Variants in OR1B1 observed in about 807,000 individuals in gnomAD.
The protein encoded by OR1B1 is olfactory receptor 1B1.
For synonymous variants in OR1B1, 168 were observed against 156.2 expected (o/e 1.08, Z -0.57); for missense variants, 414 against 402.1 (o/e 1.03, Z -0.25).
At chr9:122,628,804 G>A in exon 1 of OR1B1, 1 of 1,614,150 alleles carries the variant, frequency 6.2e-7, no homozygotes. Flanking sequence ...CACAGGTGGA[G>A]ACTGCTCGGC....
exon 1 of OR1B1, chr9:122,628,878 T>C: frequency 6.2e-7 from 1 of 1,614,050 alleles, no homozygotes; most frequent in East Asian, 2.2e-5. Context: ...GAGAGTACAA[T>C]GAGGGCACAG....
At chr9:122,648,920 C>T in the OR1B1 span, among the ~76,000 whole-genome samples, 1 of 151,928 alleles carries the variant, frequency 6.6e-6, no homozygotes, top group Non-Finnish European at 1.5e-5. Flanking sequence ...CATATGGAAC[C>T]AAAAAAGAGC....
the OR1B1 span, among the ~76,000 whole-genome samples, chr9:122,647,753 G>A: frequency 3.3e-5 from 5 of 152,176 alleles, no homozygotes; most frequent in Admixed American, 3.3e-4. Context: ...GCTACAGGAG[G>A]GAAGAGGCTG....
the OR1B1 span, among the ~76,000 whole-genome samples, chr9:122,643,251 ACCC>A: frequency 1.3e-5 from 2 of 151,760 alleles, no homozygotes; most frequent in Non-Finnish European, 1.5e-5. Flanking sequence ...CCCCTCCCTG[ACCC>A]CCCAACAGTG....
chr9:122,634,182 C>T (rs1030318341), upstream of OR1B1, among the ~76,000 whole-genome samples: 1 of 151,494 alleles, frequency 6.6e-6, no homozygotes, highest in East Asian at 1.9e-4. Context: ...ACTGAAAGTA[C>T]AAAATTAGCC....
chr9:122,628,656 A>C, exon 1 of OR1B1: 2 of 1,614,112 alleles, frequency 1.2e-6, no homozygotes, highest in South Asian at 2.2e-5. Context: ...CTATACACAA[A>C]TGGGTTGGCC....
the OR1B1 span, among the ~76,000 whole-genome samples, chr9:122,655,536 G>C: frequency 6.6e-6 from 1 of 152,138 alleles, no homozygotes; most frequent in Non-Finnish European, 1.5e-5. Flanking sequence ...CATGTCCTTT[G>C]TAGGGACATG....
the OR1B1 span, among the ~76,000 whole-genome samples, chr9:122,641,866 TTTAA>T: frequency 6.6e-6 from 1 of 152,170 alleles, no homozygotes; most frequent in Non-Finnish European, 1.5e-5. Context: ...CTATACAAAT[TTTAA>T]TTGTCAATGA....
At chr9:122,657,364 C>A in the OR1B1 span, among the ~76,000 whole-genome samples, 1 of 152,012 alleles carries the variant, frequency 6.6e-6, no homozygotes, top group Non-Finnish European at 1.5e-5. Flanking sequence ...GGTAACTCAC[C>A]CCAAGATACT....
upstream of OR1B1, chr9:122,629,612 T>C (rs1830186093): frequency 4.5e-6 from 4 of 882,430 alleles, no homozygotes; most frequent in South Asian, 7.0e-5. Flanking sequence ...GATCATAGCA[T>C]TTCTAGTTAA....
the OR1B1 span, among the ~76,000 whole-genome samples, chr9:122,657,207 A>G: frequency 6.6e-6 from 1 of 152,160 alleles, no homozygotes; most frequent in South Asian, 2.1e-4. Flanking sequence ...ACTGTAAATA[A>G]TAAAAATACA....
the OR1B1 span, among the ~76,000 whole-genome samples, chr9:122,654,107 A>G: frequency 6.6e-6 from 1 of 152,156 alleles, no homozygotes; most frequent in African/African-American, 2.4e-5. Flanking sequence ...TCTAATGGGG[A>G]TTGAGGATGC....
the OR1B1 span, among the ~76,000 whole-genome samples, chr9:122,649,487 T>A: frequency 6.6e-6 from 1 of 151,936 alleles, no homozygotes; most frequent in African/African-American, 2.4e-5. Flanking sequence ...GGGAGAAAAA[T>A]TTTGCAATCT....
chr9:122,634,424 G>A (rs1830237741), upstream of OR1B1, among the ~76,000 whole-genome samples: 1 of 152,040 alleles, frequency 6.6e-6, no homozygotes, highest in Non-Finnish European at 1.5e-5. Flanking sequence ...GGAAAGAGGT[G>A]TAATTGACTC....
At chr9:122,651,024 C>CAAA in the OR1B1 span, among the ~76,000 whole-genome samples, 2 of 130,210 alleles carry the variant, frequency 1.5e-5, no homozygotes, top group African/African-American at 5.6e-5. Context: ...GACGCCGTCT[C>CAAA]AAAAAAAAAA....
At chr9:122,645,553 CAT>C in the OR1B1 span, among the ~76,000 whole-genome samples, 1 of 152,000 alleles carries the variant, frequency 6.6e-6, no homozygotes, top group Non-Finnish European at 1.5e-5. Context: ...AAAAAAATAA[CAT>C]ATAATGAAGC....
upstream of OR1B1, among the ~76,000 whole-genome samples, chr9:122,631,342 A>AATT (rs1437557074): frequency 6.6e-6 from 1 of 151,490 alleles, no homozygotes; most frequent in Non-Finnish European, 1.5e-5. Flanking sequence ...ATGCCAGGCT[A>AATT]ATTTTTTTGT....
chr9:122,630,171 G>C (rs1830190930), upstream of OR1B1, among the ~76,000 whole-genome samples: 1 of 152,210 alleles, frequency 6.6e-6, no homozygotes, highest in African/African-American at 2.4e-5. Flanking sequence ...AATTGGAAAA[G>C]AGGAAGCCAA....
chr9:122,635,733 C>T, the OR1B1 span, among the ~76,000 whole-genome samples: 1 of 152,114 alleles, frequency 6.6e-6, no homozygotes, highest in Non-Finnish European at 1.5e-5. Context: ...ATTTGCCAGA[C>T]TTAATGAAGG....
Sources: allele counts gnomAD v4.1 joint callset (sites outside exome capture counted in the v4.1 genomes callset), GRCh38; gene constraint gnomAD v4.1.1; transcripts MANE v1.5; gene names NCBI Gene and HGNC (gene_info 2026-07-23, HGNC 2026-07-21).